TIAM1: variants seen among roughly 807,000 people sequenced by gnomAD.
TIAM1 encodes rho guanine nucleotide exchange factor TIAM1.
In TIAM1, 65 loss-of-function variants were observed where a neutral mutation model predicts 163.5. That is an observed-to-expected ratio of 0.40 (90% CI 0.33 to 0.49). TIAM1 has a LOEUF of 0.49. Among genes scored for constraint, TIAM1 ranks in the 20% least tolerant of loss-of-function variants. TIAM1 has a pLI of 0.77. For missense variants in TIAM1, 1,789 were observed against 2,044.7 expected, an observed-to-expected ratio of 0.87 and a Z score of 2.41; for synonymous variants, 833 against 810.1, an observed-to-expected ratio of 1.03 and a Z score of -0.48.
At chr21:31,380,178 G>A (rs1022599383) in intron 2 of TIAM1, among the ~76,000 whole-genome samples, 3 of 152,158 alleles carry the variant, frequency 2.0e-5, no homozygotes, top group East Asian at 1.9e-4. Context: ...CATGAGAATC[G>A]CTTGAACCTG....
At chr21:31,198,836 A>C (rs1449400612) in intron 12 of TIAM1, among the ~76,000 whole-genome samples, 1 of 152,226 alleles carries the variant, frequency 6.6e-6, no homozygotes, top group Non-Finnish European at 1.5e-5. Context: ...CTCAGACAAC[A>C]ACTCAGTATC....
intron 1 of TIAM1, among the ~76,000 whole-genome samples, chr21:31,503,988 A>T (rs1356697516): frequency 1.3e-5 from 2 of 152,098 alleles, no homozygotes; most frequent in Non-Finnish European, 2.9e-5. Flanking sequence ...CCCAGAGCAG[A>T]TCTCTAATGC....
chr21:31,165,133 T>G, intron 15 of TIAM1, 68 bp from the exon 16 acceptor site: 4 of 1,431,720 alleles, frequency 2.8e-6, no homozygotes, highest in Non-Finnish European at 3.9e-6. Context: ...CACCCCTGTG[T>G]GAGGGGGACA....
chr21:31,221,508 T>C (rs1475163448), intron 8 of TIAM1, among the ~76,000 whole-genome samples: 1 of 152,090 alleles, frequency 6.6e-6, no homozygotes, highest in Non-Finnish European at 1.5e-5. Context: ...TCACAGACAT[T>C]GAGATGAAGG....
chr21:31,123,935 C>T (rs2082090340), intron 27 of TIAM1: 2 of 152,112 alleles, frequency 1.3e-5, no homozygotes, highest in South Asian at 2.1e-4. Flanking sequence ...TTCTTGTTTC[C>T]AAGAATAGCT....
At chr21:31,128,377 G>C (rs553582051) in intron 25 of TIAM1, among the ~76,000 whole-genome samples, 1 of 152,170 alleles carries the variant, frequency 6.6e-6, no homozygotes, top group African/African-American at 2.4e-5. Flanking sequence ...ATGAAAAATA[G>C]AGAGTGAGAA....
At chr21:31,472,767 C>A (rs1381454424) in intron 1 of TIAM1, among the ~76,000 whole-genome samples, 1 of 152,198 alleles carries the variant, frequency 6.6e-6, no homozygotes, top group East Asian at 1.9e-4. Context: ...CATAGATTTT[C>A]TCATCTGTTA....
intron 1 of TIAM1, among the ~76,000 whole-genome samples, chr21:31,488,084 G>A (rs922295134): frequency 9.9e-5 from 15 of 152,106 alleles, no homozygotes; most frequent in African/African-American, 1.4e-4. Flanking sequence ...TCGGCCTCCC[G>A]AAGTGCTGGG....
chr21:31,230,314 C>G (rs1473575648), intron 6 of TIAM1, among the ~76,000 whole-genome samples: 3 of 151,802 alleles, frequency 2.0e-5, no homozygotes, highest in African/African-American at 4.8e-5. Flanking sequence ...ACTCAGATGA[C>G]CATTTTTCAC....
At chr21:31,539,270 C>CT (rs59981509) in intron 1 of TIAM1, among the ~76,000 whole-genome samples, 53,657 of 144,282 alleles carry the variant, frequency 0.37, 10,377 homozygotes, top group Middle Eastern at 0.47. Context: ...ATGGGTTACT[C>CT]TTTTTTTTTT....
chr21:31,293,998 A>G (rs1304780980), intron 2 of TIAM1, among the ~76,000 whole-genome samples: 1 of 152,048 alleles, frequency 6.6e-6, no homozygotes, highest in Non-Finnish European at 1.5e-5. Flanking sequence ...TACATAAGCT[A>G]CCCTGTTGGT....
chr21:31,532,335 T>A (rs911776248), intron 1 of TIAM1, among the ~76,000 whole-genome samples: 2 of 152,172 alleles, frequency 1.3e-5, no homozygotes, highest in Non-Finnish European at 2.9e-5. Flanking sequence ...ATTACACACA[T>A]GACCAACCAA....
In TIAM1 at chr21:31,118,742, C is replaced by A; in HGVS notation, c.*1626G>T. The A allele has an allele frequency of 2.5e-6, 1 of 399,948 alleles. No homozygotes were observed. Among genetic ancestry groups the A allele is most frequent in the Non-Finnish European group, 5.1e-6 (1 of 196,362 alleles). The allele number at this position is 399,948 out of a possible 1,614,324, so 24.8% of individuals were successfully genotyped here. ...AAAGGGTATAGAAACCATTCTAAAG[C>A]TTTTTCAGAAAACCAGAAGATATAG... is the stretch of plus-strand genomic sequence containing the variant. On this transcript the variant is annotated 3_prime_UTR_variant, in exon 28 of 28. Coordinates refer to ENST00000541036, the MANE Select transcript of TIAM1 (RefSeq NM_001353694.2).
intron 6 of TIAM1, among the ~76,000 whole-genome samples, chr21:31,244,097 T>G (rs769986750): frequency 3.3e-5 from 5 of 152,184 alleles, no homozygotes; most frequent in Admixed American, 3.3e-4. Context: ...ACACTTATGT[T>G]GTGTGCACTC....
chr21:31,204,063 C>G (rs1375315298), intron 11 of TIAM1, among the ~76,000 whole-genome samples: 1 of 152,104 alleles, frequency 6.6e-6, no homozygotes, highest in East Asian at 1.9e-4. Flanking sequence ...AGTAATAATA[C>G]CAACATGGTT....
chr21:31,298,091 G>A (rs540013349), intron 2 of TIAM1, among the ~76,000 whole-genome samples: 1 of 152,310 alleles, frequency 6.6e-6, no homozygotes, highest in East Asian at 1.9e-4. Context: ...CCATTTCTGT[G>A]TAAGTGGCCT....
intron 2 of TIAM1, among the ~76,000 whole-genome samples, chr21:31,421,966 G>A (rs1423701111): frequency 6.6e-6 from 1 of 152,138 alleles, no homozygotes; most frequent in Non-Finnish European, 1.5e-5. Context: ...CTCCAGTCGA[G>A]TTGCTGCAGG....
At chr21:31,142,942 C>T (rs969707923) in intron 20 of TIAM1, among the ~76,000 whole-genome samples, 6 of 152,142 alleles carry the variant, frequency 3.9e-5, no homozygotes, top group African/African-American at 1.4e-4. Context: ...GAAGCCGTGG[C>T]TAATGTCTTC....
chr21:31,492,776 T>TACACACACACACACACAC (rs3055373), intron 1 of TIAM1, among the ~76,000 whole-genome samples: 1 of 139,684 alleles, frequency 7.2e-6, no homozygotes, highest in Non-Finnish European at 1.6e-5. Flanking sequence ...TATTTTGGGT[T>TACACACACACACACACAC]ACACACACAC....
Sources: allele counts gnomAD v4.1 joint callset (sites outside exome capture counted in the v4.1 genomes callset), GRCh38; gene constraint gnomAD v4.1.1; transcripts MANE v1.5; gene names NCBI Gene and HGNC (gene_info 2026-07-23, HGNC 2026-07-21).